Variants in GPR39 observed in about 807,000 individuals in gnomAD.
GPR39 encodes the protein G protein-coupled receptor 39.
Under a neutral mutation model 18.4 loss-of-function variants are expected in GPR39, and 23 were observed. That is an observed-to-expected ratio of 1.25 (90% CI 0.90 to 1.77). The LOEUF (loss-of-function observed/expected upper bound fraction) is 1.77. Ranked by LOEUF, GPR39 falls within the 40% of genes most tolerant of loss-of-function variation. GPR39 has a pLI of 0.00. For synonymous variants in GPR39, 280 were observed against 257.9 expected, an observed-to-expected ratio of 1.09 and a Z score of -0.82; for missense variants, 647 against 602.4, an observed-to-expected ratio of 1.07 and a Z score of -0.78.
intron 1 of GPR39, among the ~76,000 whole-genome samples, chr2:132,639,494 G>T (rs1243919383): frequency 6.6e-6 from 1 of 152,124 alleles, no homozygotes; most frequent in African/African-American, 2.4e-5. Flanking sequence ...CTAATATTGG[G>T]AATTTATTTA....
intron 1 of GPR39, among the ~76,000 whole-genome samples, chr2:132,599,681 AATTAAG>A (rs1184014163): frequency 1.3e-5 from 2 of 152,176 alleles, no homozygotes; most frequent in African/African-American, 2.4e-5. Context: ...TCTGCAGTGA[AATTAAG>A]CATGGGAGCA....
At chr2:132,634,206 C>G (rs547187697) in intron 1 of GPR39, among the ~76,000 whole-genome samples, 15 of 151,974 alleles carry the variant, frequency 9.9e-5, no homozygotes, top group Non-Finnish European at 2.2e-4. Context: ...AGAGATGATT[C>G]TGGAGGTGAG....
intron 1 of GPR39, among the ~76,000 whole-genome samples, chr2:132,443,131 A>T (rs1680470414): frequency 6.6e-6 from 1 of 152,354 alleles, no homozygotes; most frequent in Non-Finnish European, 1.5e-5. Flanking sequence ...TTCAAATTTT[A>T]TACATTGAAT....
At position 132,644,899 on chromosome 2, in the gene GPR39, C is replaced by T. The variant is rs755631699; in HGVS notation, c.857-202C>T. The T allele has an allele frequency of 7.1e-4, 426 of 596,954 alleles. 2 individuals carry two copies. Among genetic ancestry groups the T allele is most frequent in the Non-Finnish European group, 5.3e-4 (183 of 343,828 alleles). 37.0% of individuals were successfully genotyped at this position (596,954 alleles called of 1,614,324 possible). On this transcript the variant is annotated intron_variant, in intron 1 of 1. Coordinates refer to ENST00000329321, the MANE Select transcript of GPR39 (RefSeq NM_001508.3). The stretch of plus-strand genomic sequence containing the variant: ...GGTCTTTCTTTAACACAGCCAACTC[C>T]CCCGGGTTTGAAACAGTGTTAAATT...
chr2:132,645,152 G>A lies in GPR39; in HGVS notation c.908G>A (p.Arg303Lys). The change falls in exon 2 of 2, where the codon AGG (arginine) becomes AAG (lysine). Residue 303 changes from arginine (R) to lysine (K), a missense_variant. This residue lies in a region of GPR39 where 581 missense variants were observed against 506.8 expected (regional missense o/e 1.15). Transcript: ENST00000329321. ...TGCTGGATGCCCAACCAGATTCGGA[G>A]GATCATGGCTGCGGCCAAACCCAAG... ...AVCWMPNQIR[R>K]IMAAAKPKHD... 6.2e-7 allele frequency: 1 copy of A among 1,614,182 alleles called. No homozygotes were observed. Among genetic ancestry groups the A allele is most frequent in the Non-Finnish European group, 8.5e-7 (1 of 1,180,038 alleles).
chr2:132,487,544 T>G (rs1167651380), intron 1 of GPR39, among the ~76,000 whole-genome samples: 1 of 152,082 alleles, frequency 6.6e-6, no homozygotes, highest in East Asian at 1.9e-4. Context: ...ACAAAGGAAC[T>G]TAGGAAATAA....
At chr2:132,630,061 G>T (rs547543045) in intron 1 of GPR39, among the ~76,000 whole-genome samples, 1 of 152,160 alleles carries the variant, frequency 6.6e-6, no homozygotes, top group Admixed American at 6.5e-5. Flanking sequence ...TAAATGTATT[G>T]TTCATCTACC....
chr2:132,421,475 A>G (rs1471960090), intron 1 of GPR39, among the ~76,000 whole-genome samples: 1 of 152,236 alleles, frequency 6.6e-6, no homozygotes, highest in Non-Finnish European at 1.5e-5. Flanking sequence ...AGGTTATTAA[A>G]TAAAAGAAAC....
chr2:132,635,573 G>A (rs548975181), intron 1 of GPR39, among the ~76,000 whole-genome samples: 127 of 152,270 alleles, frequency 8.3e-4, no homozygotes, highest in Admixed American at 5.2e-3. Flanking sequence ...CAGGGGATGA[G>A]GAGGGTGTGG....
At chr2:132,617,410 T>C (rs1391916233) in intron 1 of GPR39, among the ~76,000 whole-genome samples, 2 of 152,206 alleles carry the variant, frequency 1.3e-5, no homozygotes, top group African/African-American at 4.8e-5. Context: ...TGAACCTCAT[T>C]AATATTGTAC....
chr2:132,603,792 A>T (rs1681088263), intron 1 of GPR39, among the ~76,000 whole-genome samples: 1 of 152,222 alleles, frequency 6.6e-6, no homozygotes, highest in South Asian at 2.1e-4. Context: ...ATTCTTTTTA[A>T]GAAACCATTT....
chr2:132,540,441 C>T (rs536309303), intron 1 of GPR39, among the ~76,000 whole-genome samples: 1 of 152,284 alleles, frequency 6.6e-6, no homozygotes, highest in East Asian at 1.9e-4. Context: ...AATGTCTCTA[C>T]TGACTCCTTG....
intron 1 of GPR39, among the ~76,000 whole-genome samples, chr2:132,630,706 C>T (rs984388712): frequency 6.6e-6 from 1 of 151,990 alleles, no homozygotes; most frequent in African/African-American, 2.4e-5. Context: ...AGGGTTGTGG[C>T]AGTGGGAATG....
chr2:132,457,310 G>T (rs2104774718), intron 1 of GPR39, among the ~76,000 whole-genome samples: 2 of 152,244 alleles, frequency 1.3e-5, no homozygotes, highest in East Asian at 3.9e-4. Flanking sequence ...AAGTTCTCGT[G>T]CTATGATTTT....
chr2:132,610,699 C>T (rs2104849500), intron 1 of GPR39, among the ~76,000 whole-genome samples: 1 of 148,986 alleles, frequency 6.7e-6, no homozygotes, highest in African/African-American at 2.5e-5. Context: ...ATCACTTGAA[C>T]CTGGGAGGCA....
At chr2:132,423,402 A>G (rs1009862410) in intron 1 of GPR39, among the ~76,000 whole-genome samples, 4 of 152,156 alleles carry the variant, frequency 2.6e-5, no homozygotes, top group African/African-American at 4.8e-5. Context: ...CAAAGGCCCA[A>G]TCTCCAAATA....
intron 1 of GPR39, among the ~76,000 whole-genome samples, chr2:132,440,681 C>A (rs1202279016): frequency 6.6e-6 from 1 of 152,130 alleles, no homozygotes; most frequent in African/African-American, 2.4e-5. Context: ...GGAAGGAACT[C>A]ATGGCGTGCT....
chr2:132,627,607 G>T (rs1573706570), intron 1 of GPR39, among the ~76,000 whole-genome samples: 1 of 152,152 alleles, frequency 6.6e-6, no homozygotes, highest in African/African-American at 2.4e-5. Flanking sequence ...TTGCTCCTTA[G>T]AGTTGCATGC....
chr2:132,492,233 C>CAT (rs970209008), intron 1 of GPR39, among the ~76,000 whole-genome samples: 5 of 135,750 alleles, frequency 3.7e-5, no homozygotes, highest in East Asian at 2.1e-4. Flanking sequence ...ATATATATAC[C>CAT]ATATATATAC....
Sources: allele counts gnomAD v4.1 joint callset (sites outside exome capture counted in the v4.1 genomes callset), GRCh38; gene constraint gnomAD v4.1.1; regional missense constraint gnomAD v4.1.1; transcripts MANE v1.5; gene names NCBI Gene and HGNC (gene_info 2026-07-23, HGNC 2026-07-21).